WDR25: variants seen among roughly 807,000 people sequenced by gnomAD.
WDR25 encodes WD repeat-containing protein 25.
In WDR25, 35 loss-of-function variants were observed where a neutral mutation model predicts 47.7. That is an observed-to-expected ratio of 0.73 (90% CI 0.56 to 0.97). The LOEUF (loss-of-function observed/expected upper bound fraction) is 0.97, where lower values mean the gene tolerates loss of function less well. Ranked by LOEUF, WDR25 falls within the 50% of genes least tolerant of loss-of-function variation. WDR25 has a pLI of 0.00. For missense variants in WDR25, 634 were observed against 704.7 expected, an observed-to-expected ratio of 0.90 and a Z score of 1.14; for synonymous variants, 248 against 278.9, an observed-to-expected ratio of 0.89 and a Z score of 1.10.
In WDR25 at chr14:100,430,700, C is replaced by G. The variant is rs1898305906; in HGVS notation, c.823-37321C>G. On this transcript the variant is annotated intron_variant, in intron 2 of 6. Coordinates refer to ENST00000402312, the MANE Select transcript of WDR25 (RefSeq NM_001161476.3). This position sits in a 1 kb window ranked among gnomAD's most constrained non-coding sequence, Gnocchi z 4.7. ...GGTGACCCAGTGAGGGAGGCTGCAT[C>G]TCGATAGGCTGTGGGGAAGGGATGG... is the stretch of plus-strand genomic sequence containing the variant. Among the ~76,000 whole-genome samples the G allele has an allele frequency of 6.6e-6, 1 of 152,188 alleles. No homozygotes were observed. Among genetic ancestry groups the G allele is most frequent in the South Asian group, 2.1e-4 (1 of 4,818 alleles).
chr14:100,465,633 C>G (rs927082408), intron 2 of WDR25, among the ~76,000 whole-genome samples: 3 of 152,194 alleles, frequency 2.0e-5, no homozygotes, highest in Non-Finnish European at 4.4e-5. Flanking sequence ...GATTACTCCC[C>G]TCTTTTGGCT....
In WDR25 at chr14:100,389,955, G is replaced by A. The variant is rs984065410; in HGVS notation, c.822+8209G>A. Reference sequence around the variant, plus strand: ...CTCTGATTGCTTGGGCATCCTGGATGTCCCTGGATTGAGCGTCTCGGTTTC... The same window carrying A: ...CTCTGATTGCTTGGGCATCCTGGATATCCCTGGATTGAGCGTCTCGGTTTC... On this transcript the variant is annotated intron_variant, in intron 2 of 6. Transcript: ENST00000402312. Among the ~76,000 whole-genome samples the A allele has an allele frequency of 2.6e-5, 4 of 152,220 alleles. No homozygotes were observed. The East Asian group carries it at 7.7e-4, about 29-fold the overall frequency.
chr14:100,507,652 T>G (rs924599033), intron 4 of WDR25, among the ~76,000 whole-genome samples: 3 of 128,012 alleles, frequency 2.3e-5, no homozygotes, highest in Non-Finnish European at 3.3e-5. Flanking sequence ...GGTATTTGTG[T>G]TTTTTTTTTT....
chr14:100,414,382 G>A (rs1398771594), intron 2 of WDR25, among the ~76,000 whole-genome samples: 3 of 146,170 alleles, frequency 2.1e-5, no homozygotes, highest in Admixed American at 1.4e-4. Flanking sequence ...GTGCAATCTC[G>A]GCTCACTGCA....
intron 2 of WDR25, among the ~76,000 whole-genome samples, chr14:100,464,254 T>C (rs1393338954): frequency 1.3e-5 from 2 of 152,174 alleles, no homozygotes; most frequent in African/African-American, 4.8e-5. Flanking sequence ...ATAGCTGGCT[T>C]TCTCACCCCT....
chr14:100,380,740 C>T (rs752197888), intron 1 of WDR25, among the ~76,000 whole-genome samples, 170 bp from the exon 2 acceptor site: 1 of 152,144 alleles, frequency 6.6e-6, no homozygotes, highest in Non-Finnish European at 1.5e-5. Context: ...GTTATCCACC[C>T]ACCTCGGCCT....
intron 2 of WDR25, among the ~76,000 whole-genome samples, chr14:100,410,427 T>G (rs913983503): frequency 4.6e-5 from 7 of 152,116 alleles, no homozygotes; most frequent in Admixed American, 1.3e-4. Context: ...CTAGGCACCA[T>G]GTGAGGGGCC....
At chr14:100,376,958 G>T (rs1015136742) in intron 1 of WDR25, among the ~76,000 whole-genome samples, 2 of 152,228 alleles carry the variant, frequency 1.3e-5, no homozygotes, top group Admixed American at 6.5e-5. Context: ...CTGTCCTCAT[G>T]GGGCTGACTT....
At position 100,480,735 on chromosome 14, in the gene WDR25, A is replaced by G. The variant is rs147138375; in HGVS notation, c.971-3259A>G. ...TAAGTGAAAATTTCAGTGGATTTTGAGCTGGGTGGTTACAAATATGATAAT... is the reference window on the plus strand; with the variant it reads ...TAAGTGAAAATTTCAGTGGATTTTGGGCTGGGTGGTTACAAATATGATAAT... On this transcript the variant is annotated intron_variant, in intron 3 of 6. Coordinates refer to ENST00000402312, the MANE Select transcript of WDR25 (RefSeq NM_001161476.3). 1.8e-3 allele frequency among the ~76,000 whole-genome samples: 269 copies of G among 152,296 alleles called. 1 individual carries two copies. Among genetic ancestry groups the G allele is most frequent in the African/African-American group, 6.3e-3 (263 of 41,552 alleles).
intron 2 of WDR25, among the ~76,000 whole-genome samples, chr14:100,402,477 AGACAGGTGG>A (rs1897408580): frequency 6.6e-6 from 1 of 152,196 alleles, no homozygotes; most frequent in South Asian, 2.1e-4. Context: ...GGCAGGAACA[AGACAGGTGG>A]GACATGGGGG....
chr14:100,483,482 C>T (rs1050430132), intron 3 of WDR25, among the ~76,000 whole-genome samples: 4 of 152,206 alleles, frequency 2.6e-5, no homozygotes, highest in Admixed American at 6.5e-5. Flanking sequence ...GCCACCCCAC[C>T]TGCCATGCTC....
chr14:100,427,881 G>C (rs1898215353), intron 2 of WDR25, among the ~76,000 whole-genome samples: 1 of 152,206 alleles, frequency 6.6e-6, no homozygotes, highest in Non-Finnish European at 1.5e-5. Flanking sequence ...AGTGTCAGGA[G>C]ATGACTCCCT....
chr14:100,427,201 C>T (rs765167868), intron 2 of WDR25, among the ~76,000 whole-genome samples: 1 of 152,030 alleles, frequency 6.6e-6, no homozygotes. Context: ...TGGGACATTC[C>T]TTCCTCCTAC....
At chr14:100,444,935 G>A (rs142033323) in intron 2 of WDR25, among the ~76,000 whole-genome samples, 137 of 152,288 alleles carry the variant, frequency 9.0e-4, no homozygotes, top group Non-Finnish European at 1.4e-3. Context: ...GGGAAGATTA[G>A]CCCCGTTTTC....
chr14:100,426,936 G>A (rs1047414225), intron 2 of WDR25, among the ~76,000 whole-genome samples: 2 of 152,154 alleles, frequency 1.3e-5, no homozygotes, highest in Admixed American at 1.3e-4. Context: ...TTCTCTAGTG[G>A]CAGCTAGTGA....
intron 2 of WDR25, among the ~76,000 whole-genome samples, chr14:100,458,229 C>T (rs1324736481): frequency 6.6e-6 from 1 of 151,916 alleles, no homozygotes; most frequent in Non-Finnish European, 1.5e-5. Flanking sequence ...TAAAAGAAAG[C>T]TGGAGTTAAC....
intron 2 of WDR25, among the ~76,000 whole-genome samples, chr14:100,448,518 C>T (rs1408954889): frequency 6.6e-6 from 1 of 152,102 alleles, no homozygotes; most frequent in Admixed American, 6.5e-5. Context: ...GTCCTGTAAC[C>T]TTGGGCAACT....
chr14:100,378,409 C>T (rs1231280646), intron 1 of WDR25, among the ~76,000 whole-genome samples: 2 of 152,056 alleles, frequency 1.3e-5, no homozygotes, highest in Non-Finnish European at 2.9e-5. Flanking sequence ...TCAGGTGATC[C>T]GCCCACCTCG....
At chr14:100,436,894 G>C (rs568015003) in intron 2 of WDR25, among the ~76,000 whole-genome samples, 33 of 152,364 alleles carry the variant, frequency 2.2e-4, no homozygotes, top group African/African-American at 6.0e-4. Flanking sequence ...GGTTGGCCCT[G>C]CTTTCAGTTG....
Sources: gnomAD v4.1 joint callset for allele counts (sites outside exome capture counted in the v4.1 genomes callset) on GRCh38, gnomAD v4.1.1 for gene constraint, Gnocchi (gnomAD v3.1) non-coding constraint, MANE v1.5 for transcripts, NCBI Gene and HGNC (gene_info 2026-07-23, HGNC 2026-07-21) for gene names.